Variants in LYPD1 observed in about 807,000 individuals in gnomAD.
LYPD1 encodes the protein LY6/PLAUR domain containing 1.
Under a neutral mutation model 14.2 loss-of-function variants are expected in LYPD1, and 14 were observed. The ratio of observed to expected loss-of-function variants is 0.99; its 90% confidence interval spans 0.65 to 1.54. The LOEUF (loss-of-function observed/expected upper bound fraction) is 1.54, where lower values mean the gene tolerates loss of function less well. LYPD1 is among the 40% of genes most tolerant of loss of function. LYPD1 has a pLI of 0.00. For missense variants in LYPD1, 165 were observed against 175.7 expected (o/e 0.94, Z 0.34); for synonymous variants, 85 against 70.6 (o/e 1.20, Z -1.02).
chr2:132,650,316 G>A (rs756421640), intron 2 of LYPD1, among the ~76,000 whole-genome samples: 10 of 152,156 alleles, frequency 6.6e-5, no homozygotes, highest in South Asian at 2.1e-4. Context: ...TATAAACACT[G>A]TGTTCATGAA....
rs1209507266 is a variant in LYPD1, at chr2:132,645,965, A to G, written c.*80T>C. 9.2e-7 allele frequency: 1 copy of G among 1,083,002 alleles called. No individual in the cohort carries two copies. The highest frequency in any genetic ancestry group is 1.6e-5 in the African/African-American group (1 of 62,594). 67.1% of individuals were successfully genotyped at this position (1,083,002 alleles called of 1,614,324 possible). On this transcript the variant is annotated 3_prime_UTR_variant, in exon 3 of 3. Transcript: ENST00000397463. ...TACCCAGAATAAAAGGACACCCAGAAGAAACTCACTCAGGGAGGTGGGGGG... is the reference window on the plus strand; with the variant it reads ...TACCCAGAATAAAAGGACACCCAGAGGAAACTCACTCAGGGAGGTGGGGGG...
intron 2 of LYPD1, among the ~76,000 whole-genome samples, chr2:132,653,108 G>A (rs1682418512): frequency 6.6e-6 from 1 of 152,106 alleles, no homozygotes; most frequent in African/African-American, 2.4e-5. Context: ...TGTACTTAAT[G>A]GGATGGAGGA....
At chr2:132,670,263 T>G, upstream of LYPD1, 4 of 357,090 alleles carry the variant, frequency 1.1e-5, no homozygotes, top group Non-Finnish European at 1.8e-5. This position sits in a 1 kb window ranked among gnomAD's most constrained non-coding sequence, Gnocchi z 4.5. Flanking sequence ...CACCTCCCAC[T>G]CCAGGCATCA....
intron 2 of LYPD1, among the ~76,000 whole-genome samples, chr2:132,649,896 A>G (rs1288036823): frequency 6.6e-6 from 1 of 152,130 alleles, no homozygotes; most frequent in Non-Finnish European, 1.5e-5. Flanking sequence ...TTTTTATGTA[A>G]GAGTTGTAAA....
At chr2:132,655,231 T>C (rs1682517516) in intron 2 of LYPD1, among the ~76,000 whole-genome samples, 1 of 152,188 alleles carries the variant, frequency 6.6e-6, no homozygotes, top group Admixed American at 6.5e-5. Flanking sequence ...TGTCTATGAC[T>C]GGGTCAACCA....
chr2:132,657,558 T>A (rs931991522), intron 2 of LYPD1, among the ~76,000 whole-genome samples: 1 of 152,182 alleles, frequency 6.6e-6, no homozygotes, highest in African/African-American at 2.4e-5. Flanking sequence ...GACTTCCAGA[T>A]GGAATGAACT....
At chr2:132,670,682 C>T (rs918334366), upstream of LYPD1, among the ~76,000 whole-genome samples, 1 of 152,162 alleles carries the variant, frequency 6.6e-6, no homozygotes. This position sits in a 1 kb window ranked among gnomAD's most constrained non-coding sequence, Gnocchi z 4.5. Context: ...AGGAAGGGCG[C>T]GCGTTCCCGT....
At chr2:132,655,513 C>CTTTTTTTTTTTTTT (rs1558879316) in intron 2 of LYPD1, among the ~76,000 whole-genome samples, 1 of 60,974 alleles carries the variant, frequency 1.6e-5, no homozygotes, top group African/African-American at 1.2e-4. Context: ...GGTTGAGAAG[C>CTTTTTTTTTTTTTT]ATTTTTTTTT....
chr2:132,657,970 C>CA (rs762394098), intron 2 of LYPD1, among the ~76,000 whole-genome samples: 12 of 152,204 alleles, frequency 7.9e-5, no homozygotes, highest in Non-Finnish European at 1.5e-4. Flanking sequence ...ACTACCCTTA[C>CA]AGCTACTAGC....
chr2:132,662,505 G>T (rs1184544267), intron 2 of LYPD1, among the ~76,000 whole-genome samples: 1 of 144,290 alleles, frequency 6.9e-6, no homozygotes, highest in Non-Finnish European at 1.5e-5. Context: ...GAGTCCTTTT[G>T]CACAGTGTGC....
chr2:132,669,758 A>G lies in LYPD1; in HGVS notation c.52+123T>C. 1 of 1,463,974 alleles carries G rather than the reference A, an allele frequency of 6.8e-7. No homozygotes were observed. Among genetic ancestry groups the G allele is most frequent in the Non-Finnish European group, 9.0e-7 (1 of 1,114,388 alleles). 90.7% of individuals were successfully genotyped at this position (1,463,974 alleles called of 1,614,324 possible). On this transcript the variant is annotated intron_variant, in intron 1 of 2. Coordinates refer to ENST00000397463, the MANE Select transcript of LYPD1 (RefSeq NM_144586.7). This position sits in a 1 kb window ranked among gnomAD's most constrained non-coding sequence, Gnocchi z 4.3. ...CCCGGGGCACCAGTCGCGGCCGCCA[A>G]CTCCCGCTGGGCAGCCCCAGCGCAG...
chr2:132,649,658 G>C (rs1364299113), intron 2 of LYPD1, among the ~76,000 whole-genome samples: 1 of 152,140 alleles, frequency 6.6e-6, no homozygotes, highest in Non-Finnish European at 1.5e-5. Flanking sequence ...AGCCACAGGA[G>C]AGAGTCGAAG....
chr2:132,646,695 C>A (rs974186237), intron 2 of LYPD1: 4 of 157,640 alleles, frequency 2.5e-5, no homozygotes, highest in Non-Finnish European at 5.6e-5. Flanking sequence ...GCTTTATAAG[C>A]GGCCACAGAG....
intron 2 of LYPD1, among the ~76,000 whole-genome samples, chr2:132,652,606 G>A (rs768570583): frequency 6.6e-6 from 1 of 152,098 alleles, no homozygotes; most frequent in Non-Finnish European, 1.5e-5. Context: ...GCTCCCAGCC[G>A]CCCTACCCTG....
At chr2:132,670,486 C>A (rs891075720), upstream of LYPD1, among the ~76,000 whole-genome samples, 3 of 152,128 alleles carry the variant, frequency 2.0e-5, no homozygotes, top group African/African-American at 4.8e-5. This position sits in a 1 kb window ranked among gnomAD's most constrained non-coding sequence, Gnocchi z 4.5. Flanking sequence ...GGGGACCTGC[C>A]GGGTGCGGAC....
chr2:132,644,591 C>G lies in LYPD1; in HGVS notation c.*1454G>C, dbSNP rs1262125686. On this transcript the variant is annotated 3_prime_UTR_variant, in exon 3 of 3. Coordinates refer to ENST00000397463, the MANE Select transcript of LYPD1 (RefSeq NM_144586.7). ...CTGAAACTGAATGCAAAACCAGTGT[C>G]ATTAAATATGCTGCTTTGTTGCCAA... 2.0e-5 allele frequency among the ~76,000 whole-genome samples: 3 copies of G among 152,214 alleles called. No individual in the cohort carries two copies. Among genetic ancestry groups the G allele is most frequent in the African/African-American group, 7.2e-5 (3 of 41,456 alleles).
At chr2:132,663,438 T>C (rs1683084369) in intron 2 of LYPD1, among the ~76,000 whole-genome samples, 8 of 152,116 alleles carry the variant, frequency 5.3e-5, no homozygotes, top group Admixed American at 5.2e-4. Context: ...CACGCCCAGC[T>C]AATTTTTTGT....
chr2:132,670,149 C>T lies in LYPD1; in HGVS notation c.-217G>A. ...CCCGGCTGCGGGTCTCTGCTCCTCCCGCTCGCGCTCCCGGGCCGAGCACCG... is the reference window on the plus strand; with the variant it reads ...CCCGGCTGCGGGTCTCTGCTCCTCCTGCTCGCGCTCCCGGGCCGAGCACCG... On this transcript the variant is annotated 5_prime_UTR_variant, in exon 1 of 3. Coordinates refer to ENST00000397463, the MANE Select transcript of LYPD1 (RefSeq NM_144586.7). The surrounding 1 kb of genome is among the most constrained non-coding windows in gnomAD (Gnocchi z 4.5). The T allele has an allele frequency of 5.1e-6, 7 of 1,368,720 alleles. No homozygotes were observed. The South Asian group carries it at 9.8e-5, about 19-fold the overall frequency. The allele number at this position is 1,368,720 out of a possible 1,614,324, so 84.8% of individuals were successfully genotyped here.
At chr2:132,657,825 T>C (rs1300645266) in intron 2 of LYPD1, among the ~76,000 whole-genome samples, 2 of 152,102 alleles carry the variant, frequency 1.3e-5, no homozygotes, top group East Asian at 3.9e-4. Flanking sequence ...AAAATAATGG[T>C]GATTTTCGGG....
Sources: gnomAD v4.1 joint callset for allele counts (sites outside exome capture counted in the v4.1 genomes callset) on GRCh38, gnomAD v4.1.1 for gene constraint, Gnocchi (gnomAD v3.1) non-coding constraint, MANE v1.5 for transcripts, NCBI Gene and HGNC (gene_info 2026-07-23, HGNC 2026-07-21) for gene names.